LINGO2: variants seen among roughly 807,000 people sequenced by gnomAD.
LINGO2 encodes the protein leucine-rich repeat and immunoglobulin-like domain-containing nogo receptor-interacting protein 2.
Under a neutral mutation model 30.6 loss-of-function variants are expected in LINGO2, and 14 were observed. The observed-to-expected ratio is 0.46, with a 90% CI of 0.30 to 0.72. The LOEUF (loss-of-function observed/expected upper bound fraction) is 0.72, where lower values mean the gene tolerates loss of function less well. Among genes scored for constraint, LINGO2 ranks in the 30% least tolerant of loss-of-function variants. LINGO2 has a pLI of 0.07. For synonymous variants in LINGO2, 317 were observed against 288.5 expected, an observed-to-expected ratio of 1.10 and a Z score of -1.00; for missense variants, 729 against 751.7, an observed-to-expected ratio of 0.97 and a Z score of 0.35.
chr9:28,722,885 G>A, the LINGO2 span, among the ~76,000 whole-genome samples: 1 of 151,996 alleles, frequency 6.6e-6, no homozygotes, highest in Non-Finnish European at 1.5e-5. Context: ...AATGGCTTTG[G>A]GTTGAAACAA....
chr9:29,202,100 T>C, the LINGO2 span, among the ~76,000 whole-genome samples: 1 of 152,016 alleles, frequency 6.6e-6, no homozygotes, highest in East Asian at 1.9e-4. Context: ...TCCAAAGATA[T>C]TTTTAATGGT....
intron 4 of LINGO2, among the ~76,000 whole-genome samples, chr9:28,191,590 C>T (rs2133777010): frequency 6.6e-6 from 1 of 152,200 alleles, no homozygotes; most frequent in South Asian, 2.1e-4. Context: ...TTCTTTGCTT[C>T]CTTCCTCTTT....
chr9:28,077,255 A>G (rs1303970056), intron 4 of LINGO2, among the ~76,000 whole-genome samples: 1 of 152,172 alleles, frequency 6.6e-6, no homozygotes, highest in Non-Finnish European at 1.5e-5. Flanking sequence ...AAAATCTTAG[A>G]TAGGAAGTAA....
At chr9:28,447,221 A>T (rs1471904961) in intron 2 of LINGO2, among the ~76,000 whole-genome samples, 7 of 152,194 alleles carry the variant, frequency 4.6e-5, no homozygotes, top group African/African-American at 1.7e-4. Context: ...GTCCCTAAAA[A>T]TTCATATGCT....
At chr9:28,111,059 A>C (rs1361848243) in intron 4 of LINGO2, among the ~76,000 whole-genome samples, 1 of 152,208 alleles carries the variant, frequency 6.6e-6, no homozygotes, top group Admixed American at 6.5e-5. Flanking sequence ...TGGAGCCATA[A>C]AAAATAATGA....
chr9:28,311,169 A>G (rs999700540), intron 3 of LINGO2, among the ~76,000 whole-genome samples: 3 of 151,762 alleles, frequency 2.0e-5, no homozygotes, highest in South Asian at 2.1e-4. Context: ...AAAACCAGCA[A>G]GTTTTTATTA....
At chr9:28,219,610 A>G (rs1002793369) in intron 4 of LINGO2, among the ~76,000 whole-genome samples, 1 of 152,196 alleles carries the variant, frequency 6.6e-6, no homozygotes, top group Admixed American at 6.5e-5. Context: ...TTGGCAAATC[A>G]GTTTAACTTC....
chr9:28,743,562 C>T, the LINGO2 span, among the ~76,000 whole-genome samples: 1 of 151,922 alleles, frequency 6.6e-6, no homozygotes, highest in African/African-American at 2.4e-5. Flanking sequence ...GGTAGTTTTG[C>T]TGGATATAAG....
At chr9:27,966,923 G>A (rs777486540) in intron 5 of LINGO2, among the ~76,000 whole-genome samples, 1 of 152,052 alleles carries the variant, frequency 6.6e-6, no homozygotes, top group African/African-American at 2.4e-5. Flanking sequence ...ATCAACTGGA[G>A]AAGAATTCTG....
intron 1 of LINGO2, among the ~76,000 whole-genome samples, chr9:28,513,084 T>TACACACACACAC (rs57773955): frequency 8.2e-5 from 12 of 146,650 alleles, no homozygotes; most frequent in South Asian, 2.2e-4. Context: ...TTAACCATCA[T>TACACACACACAC]ACACACACAC....
chr9:28,739,640 T>C, the LINGO2 span, among the ~76,000 whole-genome samples: 51 of 151,896 alleles, frequency 3.4e-4, no homozygotes, highest in African/African-American at 1.2e-3. Context: ...ATAAATAATA[T>C]ACCACTTTGT....
At chr9:29,022,728 A>C in the LINGO2 span, among the ~76,000 whole-genome samples, 9 of 152,290 alleles carry the variant, frequency 5.9e-5, no homozygotes, top group Admixed American at 5.9e-4. Context: ...AGTAATAAAG[A>C]ACTAGACATG....
the LINGO2 span, among the ~76,000 whole-genome samples, chr9:29,054,946 C>T: frequency 2.0e-5 from 3 of 151,940 alleles, no homozygotes; most frequent in East Asian, 1.9e-4. Flanking sequence ...AGGACAGGTG[C>T]GGTGGATCGC....
At chr9:28,862,891 G>T in the LINGO2 span, among the ~76,000 whole-genome samples, 8 of 152,000 alleles carry the variant, frequency 5.3e-5, no homozygotes, top group African/African-American at 1.7e-4. Flanking sequence ...ATCCATTCTT[G>T]GTAATCCTGA....
chr9:27,949,481 A>G, exon 6 of LINGO2: 2 of 1,614,106 alleles, frequency 1.2e-6, no homozygotes, highest in East Asian at 2.2e-5. Flanking sequence ...GGGCAGTGCT[A>G]TGGAAATCCT....
intron 3 of LINGO2, among the ~76,000 whole-genome samples, chr9:28,361,575 G>A (rs1439937682): frequency 1.3e-5 from 2 of 151,800 alleles, no homozygotes; most frequent in Non-Finnish European, 2.9e-5. Flanking sequence ...TCCCTAATGA[G>A]TCATGACCTG....
At chr9:29,152,731 C>A in the LINGO2 span, among the ~76,000 whole-genome samples, 15 of 152,174 alleles carry the variant, frequency 9.9e-5, no homozygotes, top group African/African-American at 3.1e-4. Flanking sequence ...GTACCACAAA[C>A]TTCAGCATCA....
chr9:28,857,661 T>A, the LINGO2 span, among the ~76,000 whole-genome samples: 1 of 152,040 alleles, frequency 6.6e-6, no homozygotes, highest in East Asian at 1.9e-4. Flanking sequence ...GCCATAGCGA[T>A]TAGCCACAGG....
chr9:28,903,213 A>G, the LINGO2 span, among the ~76,000 whole-genome samples: 2 of 152,136 alleles, frequency 1.3e-5, no homozygotes, highest in East Asian at 3.9e-4. Flanking sequence ...CCATAGAAAT[A>G]CAAAGAATCA....
Sources: allele counts gnomAD v4.1 joint callset (sites outside exome capture counted in the v4.1 genomes callset), GRCh38; gene constraint gnomAD v4.1.1; transcripts MANE v1.5; gene names NCBI Gene and HGNC (gene_info 2026-07-23, HGNC 2026-07-21).